PPME1: variants seen among roughly 807,000 people sequenced by gnomAD.
PPME1 encodes testicular secretory protein Li 39.
A neutral mutation model predicts 56.9 loss-of-function variants in PPME1; 17 were observed. The ratio of observed to expected loss-of-function variants is 0.30; its 90% CI spans 0.20 to 0.45. The LOEUF is 0.45. Ranked by LOEUF, PPME1 falls within the 20% of genes least tolerant of loss-of-function variation. The pLI is 1.00. For missense variants in PPME1, 357 were observed against 483.2 expected (o/e 0.74, Z 2.45); for synonymous variants, 122 against 156.2 (o/e 0.78, Z 1.63).
intron 3 of PPME1, 126 bp downstream of exon 3, chr11:74,204,571 C>T (rs1858276819): frequency 1.4e-6 from 1 of 731,454 alleles, no homozygotes; most frequent in South Asian, 1.8e-5. Flanking sequence ...GGCATACACA[C>T]AGACTGGGTG....
intron 12 of PPME1, 169 bp downstream of exon 12, chr11:74,251,187 G>A (rs778696385): frequency 6.9e-6 from 10 of 1,455,452 alleles, no homozygotes; most frequent in Non-Finnish European, 9.1e-6. Context: ...GCTGCTTATG[G>A]TATTGGTTTT....
intron 5 of PPME1, 87 bp downstream of exon 5, chr11:74,225,343 T>C: frequency 1.0e-6 from 1 of 1,000,534 alleles, no homozygotes; most frequent in Non-Finnish European, 1.4e-6. Flanking sequence ...CCTGATGAGA[T>C]TGTTGGGGAA....
At chr11:74,203,386 G>A (rs1489528088) in intron 1 of PPME1, among the ~76,000 whole-genome samples, 1 of 152,124 alleles carries the variant, frequency 6.6e-6, no homozygotes, top group Non-Finnish European at 1.5e-5. Flanking sequence ...ACAGCCAAGA[G>A]CAAGGTGAAA....
intron 1 of PPME1, among the ~76,000 whole-genome samples, chr11:74,200,921 A>G (rs1044216239): frequency 7.9e-5 from 12 of 151,942 alleles, no homozygotes; most frequent in South Asian, 2.1e-4. Context: ...CCTGGGCTCA[A>G]TTTATCTTCC....
At chr11:74,180,272 T>C (rs1361287065) in intron 1 of PPME1, among the ~76,000 whole-genome samples, 4 of 152,188 alleles carry the variant, frequency 2.6e-5, no homozygotes, top group Non-Finnish European at 5.9e-5. Flanking sequence ...CTCTGAATTG[T>C]AATTATTGGT....
At position 74,181,133 on chromosome 11, in the gene PPME1, T is replaced by C. The variant is rs560714077; in HGVS notation, c.101+9611T>C. Among the ~76,000 whole-genome samples the C allele has an allele frequency of 1.6e-4, 24 of 149,334 alleles. No individual in the cohort carries two copies. The East Asian group carries it at 4.2e-3, about 26-fold the overall frequency. On this transcript the variant is annotated intron_variant, in intron 1 of 13. Coordinates refer to ENST00000328257, the MANE Select transcript of PPME1 (RefSeq NM_016147.3). ...AATCTCGGCTCACTGCAAGCTCCGCTTCCCGGGTTCACGCCATTCTCCTGC... is the reference window on the plus strand; with the variant it reads ...AATCTCGGCTCACTGCAAGCTCCGCCTCCCGGGTTCACGCCATTCTCCTGC...
At chr11:74,194,811 A>G (rs954417911) in intron 1 of PPME1, among the ~76,000 whole-genome samples, 1 of 152,148 alleles carries the variant, frequency 6.6e-6, no homozygotes, top group Non-Finnish European at 1.5e-5. Flanking sequence ...TCCCTTTCTC[A>G]TGAAGCTGAT....
At chr11:74,199,232 T>C (rs1378876504) in intron 1 of PPME1, among the ~76,000 whole-genome samples, 1 of 152,244 alleles carries the variant, frequency 6.6e-6, no homozygotes, top group African/African-American at 2.4e-5. Context: ...TTCTCCAAGC[T>C]GGAAGTAATC....
chr11:74,253,457 C>G, intron 13 of PPME1, 35 bp from the exon 14 acceptor site: 1 of 1,590,028 alleles, frequency 6.3e-7, no homozygotes, highest in Non-Finnish European at 8.6e-7. Context: ...TTGATAGTTA[C>G]ATTTGTTTTT....
chr11:74,238,312 TATC>T (rs889958464), intron 8 of PPME1: 9 of 152,188 alleles, frequency 5.9e-5, no homozygotes, highest in African/African-American at 2.2e-4. Context: ...AGGGAGAAGT[TATC>T]ATTCTTAAAA....
At chr11:74,173,466 A>G (rs1298497279) in intron 1 of PPME1, among the ~76,000 whole-genome samples, 2 of 148,422 alleles carry the variant, frequency 1.3e-5, no homozygotes, top group Admixed American at 6.6e-5. Flanking sequence ...ATACTGAGAG[A>G]AAAAAAAAGG....
intron 5 of PPME1, among the ~76,000 whole-genome samples, chr11:74,228,010 G>A (rs534256955): frequency 4.0e-5 from 6 of 151,742 alleles, no homozygotes; most frequent in Admixed American, 2.6e-4. Flanking sequence ...TTAGATAATC[G>A]TCCATAGCAT....
intron 9 of PPME1, 79 bp downstream of exon 9, chr11:74,239,335 A>G: frequency 6.5e-7 from 1 of 1,531,350 alleles, no homozygotes; most frequent in African/African-American, 1.4e-5. Flanking sequence ...GGGTGATAAC[A>G]TTGTTCTTTT....
chr11:74,253,656 C>T lies in PPME1; in HGVS notation c.*146C>T. The T allele has an allele frequency of 1.2e-6, 1 of 854,720 alleles. No individual in the cohort carries two copies. The highest frequency in any genetic ancestry group is 1.9e-6 in the Non-Finnish European group (1 of 521,062). The allele number at this position is 854,720 out of a possible 1,614,324, so 52.9% of individuals were successfully genotyped here. A position where few individuals can be genotyped will look rare whatever the true frequency, so the allele number is the denominator to read the frequency against. ...AGACGGGCACCCCGAGATGTACCAA[C>T]CTTTTCATGTATTCTGCCAAAAGCA... On this transcript the variant is annotated 3_prime_UTR_variant, in exon 14 of 14. Transcript: ENST00000328257.
At chr11:74,234,255 G>A (rs1276883643) in intron 7 of PPME1, among the ~76,000 whole-genome samples, 3 of 152,242 alleles carry the variant, frequency 2.0e-5, no homozygotes, top group African/African-American at 7.2e-5. Flanking sequence ...TATGTAAGTA[G>A]AAATGTTAAG....
chr11:74,246,907 A>G (rs1012451348), intron 10 of PPME1, among the ~76,000 whole-genome samples, 172 bp from the exon 11 acceptor site: 1 of 152,234 alleles, frequency 6.6e-6, no homozygotes, highest in African/African-American at 2.4e-5. Flanking sequence ...CATAGTAATT[A>G]TAGGGGAATC....
At chr11:74,192,656 A>G (rs1199623815) in intron 1 of PPME1, among the ~76,000 whole-genome samples, 2 of 152,078 alleles carry the variant, frequency 1.3e-5, no homozygotes, top group Non-Finnish European at 2.9e-5. Flanking sequence ...TCCCTCATGA[A>G]TGGTTTATTG....
chr11:74,176,704 G>T (rs1857407583), intron 1 of PPME1, among the ~76,000 whole-genome samples: 1 of 148,444 alleles, frequency 6.7e-6, no homozygotes, highest in African/African-American at 2.5e-5. Context: ...ATTTTTTCCT[G>T]GTACCTGTGT....
intron 5 of PPME1, among the ~76,000 whole-genome samples, chr11:74,228,692 A>C (rs1858991335): frequency 6.6e-6 from 1 of 152,216 alleles, no homozygotes; most frequent in Non-Finnish European, 1.5e-5. Flanking sequence ...AAAATGCAAT[A>C]ATATTTTTAT....
Sources: allele counts gnomAD v4.1 joint callset (sites outside exome capture counted in the v4.1 genomes callset), GRCh38; gene constraint gnomAD v4.1.1; transcripts MANE v1.5; gene names NCBI Gene and HGNC (gene_info 2026-07-23, HGNC 2026-07-21).